Variants in PSMA1 observed in about 807,000 individuals in gnomAD.
PSMA1 encodes the protein proteasome 20S subunit alpha 1.
In PSMA1, 3 loss-of-function variants were observed where a neutral mutation model predicts 38.4. The observed-to-expected ratio is 0.08, with a 90% CI of 0.04 to 0.20. PSMA1 has a LOEUF of 0.20. PSMA1 is among the 10% of genes least tolerant of loss of function. PSMA1 has a pLI of 1.00. For synonymous variants in PSMA1, 101 were observed against 107.1 expected, an observed-to-expected ratio of 0.94 and a Z score of 0.35; for missense variants, 227 against 325.3, an observed-to-expected ratio of 0.70 and a Z score of 2.32.
In PSMA1 at chr11:14,520,368, C is replaced by A; in HGVS notation, c.-69G>T. The A allele has an allele frequency of 6.2e-7, 1 of 1,614,164 alleles. No individual in the cohort carries two copies. Among genetic ancestry groups the A allele is most frequent in the Non-Finnish European group, 8.5e-7 (1 of 1,180,014 alleles). On this transcript the variant is annotated 5_prime_UTR_variant, in exon 1 of 10. Coordinates refer to ENST00000396394, the MANE Select transcript of PSMA1 (RefSeq NM_002786.4). ...ATCAAGGAGGTGCTGCCGAAAGTAT[C>A]GCTCAGCGATCTACAGAGAAGTCTG...
upstream of PSMA1, among the ~76,000 whole-genome samples, chr11:14,523,659 C>T (rs11023249): frequency 1.3e-5 from 2 of 150,148 alleles, no homozygotes; most frequent in African/African-American, 4.9e-5. Flanking sequence ...GGCACAATCA[C>T]TTCAGCCTGG....
chr11:14,605,861 C>T (rs1852636298), intron 2 of PSMA1, among the ~76,000 whole-genome samples: 2 of 152,072 alleles, frequency 1.3e-5, no homozygotes, highest in African/African-American at 4.8e-5. Context: ...GTTTCTTTTG[C>T]TATGCAGAAT....
chr11:14,533,523 T>C (rs1182324839), intron 2 of PSMA1, among the ~76,000 whole-genome samples: 1 of 152,190 alleles, frequency 6.6e-6, no homozygotes, highest in Non-Finnish European at 1.5e-5. Context: ...ATGGGAATCT[T>C]AGCTATTCAC....
intron 2 of PSMA1, among the ~76,000 whole-genome samples, chr11:14,572,477 A>G (rs1852157302): frequency 2.0e-5 from 3 of 152,370 alleles, no homozygotes; most frequent in African/African-American, 7.2e-5. Flanking sequence ...GAGAACAGAG[A>G]CACAACATAC....
chr11:14,633,096 C>T (rs1327411597), intron 1 of PSMA1, among the ~76,000 whole-genome samples: 7 of 152,120 alleles, frequency 4.6e-5, no homozygotes, highest in Non-Finnish European at 8.8e-5. Flanking sequence ...CCTCCCATAG[C>T]TCAGAGTAAT....
rs188596106 is a variant in PSMA1 at position 14,534,014 on chromosome 11, T to C, written c.22-14973A>G. ...TGACCAAAATAGTGAAATCCCCATC[T>C]CTACTAAAAATACAAAATTAGCCGG... On this transcript the variant is annotated intron_variant, in intron 2 of 10. Transcript: ENST00000418988. The surrounding 1 kb of genome is among the most constrained non-coding windows in gnomAD (Gnocchi z 4.5). Among the ~76,000 whole-genome samples, 1 of 152,046 alleles carries C rather than the reference T, an allele frequency of 6.6e-6. No homozygotes were observed. Among genetic ancestry groups the C allele is most frequent in the African/African-American group, 2.4e-5 (1 of 41,468 alleles).
At chr11:14,538,145 A>T (rs1181297175) in intron 2 of PSMA1, among the ~76,000 whole-genome samples, 2 of 152,178 alleles carry the variant, frequency 1.3e-5, no homozygotes, top group African/African-American at 2.4e-5. Flanking sequence ...TTACTTAAAA[A>T]CTACACATAG....
upstream of PSMA1, among the ~76,000 whole-genome samples, chr11:14,524,312 G>C (rs867361219): frequency 6.6e-6 from 1 of 152,000 alleles, no homozygotes; most frequent in Non-Finnish European, 1.5e-5. Context: ...TGACCTGCAC[G>C]TATACATCCA....
At chr11:14,526,934 G>T (rs944714469) in intron 2 of PSMA1, among the ~76,000 whole-genome samples, 1 of 152,130 alleles carries the variant, frequency 6.6e-6, no homozygotes, top group East Asian at 1.9e-4. Context: ...CTCTCAGCAA[G>T]CCTAACTCAT....
chr11:14,564,768 T>TTTTC (rs956512445), intron 2 of PSMA1, among the ~76,000 whole-genome samples: 7 of 151,878 alleles, frequency 4.6e-5, no homozygotes, highest in East Asian at 1.9e-4. Context: ...AGTACTTTTC[T>TTTTC]TTTCTTTCTT....
intron 2 of PSMA1, 100 bp from the exon 3 acceptor site, chr11:14,518,081 T>C: frequency 2.3e-6 from 2 of 858,746 alleles, no homozygotes; most frequent in Non-Finnish European, 3.4e-6. Flanking sequence ...AAATCTCAAC[T>C]GATTTTTTTT....
chr11:14,521,473 G>T (rs1047674259), upstream of PSMA1, among the ~76,000 whole-genome samples: 1 of 143,252 alleles, frequency 7.0e-6, no homozygotes, highest in African/African-American at 2.6e-5. Context: ...GCCCGCCTGG[G>T]CAATAGAGAT....
At chr11:14,640,379 C>T (rs991355308) in intron 1 of PSMA1, among the ~76,000 whole-genome samples, 4 of 152,196 alleles carry the variant, frequency 2.6e-5, no homozygotes, top group African/African-American at 9.7e-5. Context: ...ACACATTGTT[C>T]TCAACAGTTC....
At chr11:14,519,863 A>G (rs2085938009) in intron 1 of PSMA1, 1 of 180,742 alleles carries the variant, frequency 5.5e-6, no homozygotes, top group Non-Finnish European at 1.2e-5. Flanking sequence ...AGATAAATAG[A>G]CGGACCCACC....
At chr11:14,600,768 A>T (rs892562623) in intron 2 of PSMA1, among the ~76,000 whole-genome samples, 2 of 152,186 alleles carry the variant, frequency 1.3e-5, no homozygotes, top group African/African-American at 4.8e-5. Context: ...AACCAGTCCC[A>T]GTGAGATGCA....
intron 2 of PSMA1, among the ~76,000 whole-genome samples, chr11:14,533,144 T>C (rs1851668320): frequency 6.6e-6 from 1 of 152,226 alleles, no homozygotes; most frequent in Non-Finnish European, 1.5e-5. Context: ...TTAGGTCCAC[T>C]TGAATCTAAG....
chr11:14,572,224 C>T (rs1852151823), intron 2 of PSMA1, among the ~76,000 whole-genome samples: 1 of 152,148 alleles, frequency 6.6e-6, no homozygotes, highest in South Asian at 2.1e-4. Flanking sequence ...CTTCTCGGCA[C>T]CACATCGCAC....
chr11:14,562,235 C>T (rs1852017611), intron 2 of PSMA1, among the ~76,000 whole-genome samples: 1 of 152,158 alleles, frequency 6.6e-6, no homozygotes, highest in Non-Finnish European at 1.5e-5. Flanking sequence ...AAGAGAGTTG[C>T]CATGGTTCAT....
At chr11:14,606,836 A>C (rs1426737642) in intron 2 of PSMA1, among the ~76,000 whole-genome samples, 1 of 152,228 alleles carries the variant, frequency 6.6e-6, no homozygotes, top group African/African-American at 2.4e-5. Flanking sequence ...GAAAAAATAA[A>C]TAGCAGTCAC....
Sources: allele counts gnomAD v4.1 joint callset (sites outside exome capture counted in the v4.1 genomes callset), GRCh38; gene constraint gnomAD v4.1.1; non-coding constraint Gnocchi (gnomAD v3.1); transcripts MANE v1.5; gene names NCBI Gene and HGNC (gene_info 2026-07-23, HGNC 2026-07-21).